Variants in DMXL1 observed in about 807,000 individuals in gnomAD.
The protein encoded by DMXL1 is Dmx like 1.
DMXL1 carries 99 observed loss-of-function variants against 319.2 expected under a neutral mutation model. The observed-to-expected ratio is 0.31, with a 90% confidence interval of 0.26 to 0.37. The LOEUF (loss-of-function observed/expected upper bound fraction) is 0.37, where lower values mean the gene tolerates loss of function less well. Ranked by LOEUF, DMXL1 falls within the 10% of genes least tolerant of loss-of-function variation. The probability of loss-of-function intolerance (pLI) is 1.00; values close to 1 mark genes in which losing one functional copy is unlikely to be tolerated. For missense variants in DMXL1, 3,745 were observed against 3,595.6 expected (o/e 1.04, Z -1.06); for synonymous variants, 1,385 against 1,235.2 (o/e 1.12, Z -2.54).
chr5:119,170,129 A>G (rs1308312828), intron 23 of DMXL1, 61 bp from the exon 24 acceptor site: 2 of 1,490,196 alleles, frequency 1.3e-6, no homozygotes, highest in Non-Finnish European at 1.8e-6. Flanking sequence ...GAGAAAAGAC[A>G]CTACAATAGA....
chr5:119,084,946 G>C (rs1342073336), intron 1 of DMXL1, among the ~76,000 whole-genome samples: 1 of 151,828 alleles, frequency 6.6e-6, no homozygotes, highest in Non-Finnish European at 1.5e-5. Context: ...CATGAGCATG[G>C]AATATCTTTC....
chr5:119,226,253 A>AT (rs571121448), intron 38 of DMXL1, among the ~76,000 whole-genome samples: 149 of 152,064 alleles, frequency 9.8e-4, no homozygotes, highest in Non-Finnish European at 1.7e-3. Flanking sequence ...TAATTACTGG[A>AT]TTTTTTTTCC....
intron 21 of DMXL1, among the ~76,000 whole-genome samples, chr5:119,165,562 G>A (rs1459522404): frequency 6.6e-6 from 1 of 152,334 alleles, no homozygotes; most frequent in East Asian, 1.9e-4. Flanking sequence ...CAAAGGTAAT[G>A]TATTAGTCCG....
rs746564772 is a variant in DMXL1, at chr5:119,196,497, T to C, written c.7543+41T>C. 5 of 1,414,464 alleles carry C rather than the reference T, an allele frequency of 3.5e-6. No individual in the cohort carries two copies. In the South Asian group the frequency reaches 5.9e-5, roughly 17 times the overall value. The allele number at this position is 1,414,464 out of a possible 1,614,324, so 87.6% of individuals were successfully genotyped here. A position where few individuals can be genotyped will look rare whatever the true frequency, so the allele number is the denominator to read the frequency against. ...ACATGAGCTAATGGTGCCATTGCTT[T>C]TGACTTACTACTCTGTTGTTTTTTT... On this transcript the variant is annotated intron_variant, in intron 31 of 43. Coordinates refer to ENST00000539542, the MANE Select transcript of DMXL1 (RefSeq NM_001290321.3).
intron 4 of DMXL1, among the ~76,000 whole-genome samples, chr5:119,108,391 C>G (rs1758819036): frequency 6.6e-6 from 1 of 151,954 alleles, no homozygotes; most frequent in Non-Finnish European, 1.5e-5. Context: ...TGTTTTTTCT[C>G]TGTATTTATT....
chr5:119,179,543 C>G (rs1776433362), intron 28 of DMXL1, among the ~76,000 whole-genome samples: 1 of 151,972 alleles, frequency 6.6e-6, no homozygotes, highest in Non-Finnish European at 1.5e-5. Context: ...AAATTATTGC[C>G]AAAATCTTTA....
intron 1 of DMXL1, among the ~76,000 whole-genome samples, chr5:119,089,294 T>TATATA (rs150933906): frequency 5.9e-4 from 10 of 16,994 alleles, no homozygotes; most frequent in East Asian, 6.0e-3. Flanking sequence ...ATATATATAT[T>TATATA]TTTTTTTTTT....
intron 28 of DMXL1, among the ~76,000 whole-genome samples, chr5:119,183,111 A>C (rs1304695819): frequency 2.0e-5 from 3 of 152,204 alleles, no homozygotes; most frequent in Non-Finnish European, 4.4e-5. Context: ...AGCATGTCAT[A>C]TATTTTTTAC....
chr5:119,174,547 C>T (rs1775408185), intron 25 of DMXL1, among the ~76,000 whole-genome samples: 1 of 152,222 alleles, frequency 6.6e-6, no homozygotes, highest in Non-Finnish European at 1.5e-5. Context: ...TAGATTTGAT[C>T]TGTCATTCTC....
intron 1 of DMXL1, among the ~76,000 whole-genome samples, chr5:119,092,319 T>C (rs1355163399): frequency 6.6e-6 from 1 of 152,046 alleles, no homozygotes; most frequent in Non-Finnish European, 1.5e-5. Flanking sequence ...AGGGTCTTGC[T>C]GTGTTGCCCA....
chr5:119,147,738 G>A (rs1258133366), intron 17 of DMXL1, among the ~76,000 whole-genome samples: 5 of 152,260 alleles, frequency 3.3e-5, no homozygotes, highest in African/African-American at 7.2e-5. Flanking sequence ...TTTCTGGAGC[G>A]GAGATGGTAA....
intron 8 of DMXL1, among the ~76,000 whole-genome samples, chr5:119,119,253 T>G (rs1761503001): frequency 6.6e-6 from 1 of 152,220 alleles, no homozygotes; most frequent in Admixed American, 6.5e-5. Context: ...TTGACTTGGC[T>G]GAAGTAACAT....
At chr5:119,226,521 C>G (rs189339046) in intron 38 of DMXL1, among the ~76,000 whole-genome samples, 1 of 152,142 alleles carries the variant, frequency 6.6e-6, no homozygotes, top group Non-Finnish European at 1.5e-5. Context: ...CTGTCATGTA[C>G]AGTTCTGATA....
Position 119,116,141 on chromosome 5 carries a change from G to GTTT in DMXL1, c.565-9_565-7dup. 2.2e-6 allele frequency: 3 copies of GTTT among 1,373,918 alleles called. No homozygotes were observed. The highest frequency in any genetic ancestry group is 2.9e-6 in the Non-Finnish European group (3 of 1,018,940). The allele number at this position is 1,373,918 out of a possible 1,614,324, so 85.1% of individuals were successfully genotyped here. A position where few individuals can be genotyped will look rare whatever the true frequency, so the allele number is the denominator to read the frequency against. ...TCTGATCTCCATGATTTTCTGTTTT[G>GTTT]TTTTTTTTTTCCTTAGGATGACTGT... On this transcript the variant is annotated splice_polypyrimidine_tract_variant and intron_variant, in intron 6 of 43. Transcript: ENST00000539542.
intron 5 of DMXL1, among the ~76,000 whole-genome samples, chr5:119,112,634 G>C (rs757631144): frequency 2.6e-5 from 4 of 152,072 alleles, no homozygotes; most frequent in Admixed American, 6.6e-5. Flanking sequence ...TGTAGAAAGG[G>C]AACAGAATTT....
intron 39 of DMXL1, among the ~76,000 whole-genome samples, chr5:119,234,599 C>G (rs542872407): frequency 1.3e-5 from 2 of 152,128 alleles, no homozygotes; most frequent in South Asian, 4.1e-4. Context: ...TAGCAACATT[C>G]TTAGCTCCTT....
At chr5:119,098,272 A>G (rs1349078512) in intron 2 of DMXL1, among the ~76,000 whole-genome samples, 168 bp downstream of exon 2, 1 of 152,214 alleles carries the variant, frequency 6.6e-6, no homozygotes, top group African/African-American at 2.4e-5. Context: ...AGTGCCAGAA[A>G]TTCTCTTCTT....
At chr5:119,203,287 T>C (rs1781152528) in intron 32 of DMXL1, 32 bp from the exon 33 acceptor site, 2 of 1,399,766 alleles carry the variant, frequency 1.4e-6, no homozygotes, top group African/African-American at 1.5e-5. Context: ...ATTTCTGAAG[T>C]TTATCATTAA....
At chr5:119,193,362 G>T (rs890593583) in intron 29 of DMXL1, among the ~76,000 whole-genome samples, 1 of 152,096 alleles carries the variant, frequency 6.6e-6, no homozygotes, top group African/African-American at 2.4e-5. Flanking sequence ...TGTCTAAAAT[G>T]CTTTTCTTCC....
Sources: gnomAD v4.1 joint callset for allele counts (sites outside exome capture counted in the v4.1 genomes callset) on GRCh38, gnomAD v4.1.1 for gene constraint, MANE v1.5 for transcripts, NCBI Gene and HGNC (gene_info 2026-07-23, HGNC 2026-07-21) for gene names.